The following GNG12 variants were observed in gnomAD, a reference collection of about 807,000 sequenced individuals.
The protein encoded by GNG12 is guanine nucleotide-binding protein G(I)/G(S)/G(O) subunit gamma-12.
For missense variants in GNG12, 69 were observed against 83.8 expected (o/e 0.82, Z 0.69); for synonymous variants, 28 against 29.7 (o/e 0.94, Z 0.19).
At chr1:67,753,861 C>T (rs1013719667) in intron 2 of GNG12, among the ~76,000 whole-genome samples, 1 of 152,102 alleles carries the variant, frequency 6.6e-6, no homozygotes, top group South Asian at 2.1e-4. Context: ...TTTGTGGTGT[C>T]GGTGAGAGAA....
chr1:67,815,664 T>G (rs902379653), intron 1 of GNG12, among the ~76,000 whole-genome samples: 1 of 152,112 alleles, frequency 6.6e-6, no homozygotes, highest in Non-Finnish European at 1.5e-5. Context: ...TTCTGTTCAT[T>G]TTTTTCTTAA....
chr1:67,823,932 A>C (rs1463049562), intron 1 of GNG12, among the ~76,000 whole-genome samples: 2 of 152,334 alleles, frequency 1.3e-5, no homozygotes, highest in Non-Finnish European at 2.9e-5. Context: ...ACCATGGTAC[A>C]TCCACATGAT....
At chr1:67,808,166 A>T (rs1048236719) in intron 1 of GNG12, among the ~76,000 whole-genome samples, 9 of 152,270 alleles carry the variant, frequency 5.9e-5, no homozygotes, top group Admixed American at 5.2e-4. Context: ...AAATCAATTA[A>T]TGGAATCCAT....
intron 2 of GNG12, among the ~76,000 whole-genome samples, chr1:67,718,204 C>A (rs1030280281): frequency 1.3e-5 from 2 of 152,114 alleles, no homozygotes; most frequent in African/African-American, 4.8e-5. Context: ...ACAGGTAAAA[C>A]CCAATGAAAC....
chr1:67,748,246 G>A (rs1268107695), intron 2 of GNG12, among the ~76,000 whole-genome samples: 4 of 152,180 alleles, frequency 2.6e-5, no homozygotes, highest in African/African-American at 9.7e-5. Context: ...TTCCTTTGAA[G>A]AGTGGAAGTT....
chr1:67,731,566 C>T (rs989257071), intron 2 of GNG12, among the ~76,000 whole-genome samples: 4 of 152,178 alleles, frequency 2.6e-5, no homozygotes, highest in African/African-American at 9.7e-5. Flanking sequence ...TTGTGAAAGC[C>T]ATGAGCATGT....
At chr1:67,726,716 G>A (rs187948142) in intron 2 of GNG12, among the ~76,000 whole-genome samples, 34 of 152,334 alleles carry the variant, frequency 2.2e-4, no homozygotes, top group African/African-American at 7.9e-4. Context: ...GAACTGTAAT[G>A]CACATCTCTA....
At chr1:67,821,176 T>C (rs567939745) in intron 1 of GNG12, among the ~76,000 whole-genome samples, 92 of 152,332 alleles carry the variant, frequency 6.0e-4, no homozygotes, top group African/African-American at 2.1e-3. Flanking sequence ...AACATGTGAA[T>C]ATATTACATT....
intron 1 of GNG12, among the ~76,000 whole-genome samples, chr1:67,827,463 T>C (rs998390132): frequency 1.3e-5 from 2 of 152,110 alleles, no homozygotes; most frequent in African/African-American, 2.4e-5. Context: ...TCTTGCTCTG[T>C]TGCCCAGGCT....
At chr1:67,778,182 A>G (rs1646717453) in intron 1 of GNG12, among the ~76,000 whole-genome samples, 1 of 151,496 alleles carries the variant, frequency 6.6e-6, no homozygotes, top group Admixed American at 6.6e-5. Context: ...TTAAAAAGCA[A>G]AAAAGAAATT....
At chr1:67,743,705 C>T (rs1433577707) in intron 2 of GNG12, among the ~76,000 whole-genome samples, 1 of 152,172 alleles carries the variant, frequency 6.6e-6, no homozygotes. Flanking sequence ...ACTCAAAGAG[C>T]AATTAATTTA....
intron 2 of GNG12, among the ~76,000 whole-genome samples, chr1:67,770,990 AGAGT>A (rs1477644837): frequency 5.3e-5 from 8 of 152,068 alleles, no homozygotes; most frequent in Admixed American, 3.3e-4. Context: ...GTGCTGAGAG[AGAGT>A]GAGTGAGAGA....
intron 1 of GNG12, among the ~76,000 whole-genome samples, chr1:67,786,713 G>A (rs1646769405): frequency 6.6e-6 from 1 of 152,088 alleles, no homozygotes. Context: ...CTTGAGGTCA[G>A]GGGTTCGAGA....
intron 2 of GNG12, among the ~76,000 whole-genome samples, chr1:67,717,455 G>T (rs377251575): frequency 6.6e-6 from 1 of 151,374 alleles, no homozygotes; most frequent in East Asian, 1.9e-4. Flanking sequence ...GGCAGAGGTT[G>T]CAGTGACCCA....
chr1:67,822,638 C>G (rs1363800086), intron 1 of GNG12, among the ~76,000 whole-genome samples: 1 of 152,088 alleles, frequency 6.6e-6, no homozygotes, highest in Non-Finnish European at 1.5e-5. Context: ...AAAATTTTTC[C>G]TTTGGGATTT....
intron 1 of GNG12, among the ~76,000 whole-genome samples, chr1:67,795,116 C>A (rs765664023): frequency 6.6e-6 from 1 of 152,202 alleles, no homozygotes; most frequent in South Asian, 2.1e-4. Context: ...AAAGGCCTTG[C>A]GCTTTTTACT....
chr1:67,763,151 C>T (rs906138900), intron 2 of GNG12, among the ~76,000 whole-genome samples: 25 of 130,130 alleles, frequency 1.9e-4, no homozygotes, highest in African/African-American at 6.7e-4. Context: ...CTAAATATTT[C>T]AGTGTATACT....
chr1:67,702,887 G>A lies in GNG12; in HGVS notation c.*2564C>T, dbSNP rs1339133763. The A allele has an allele frequency of 1.2e-4, 18 of 152,142 alleles. No individual in the cohort carries two copies. The highest frequency in any genetic ancestry group is 9.2e-4 in the Admixed American group (14 of 15,288). 9.4% of individuals were successfully genotyped at this position (152,142 alleles called of 1,614,324 possible). On this transcript the variant is annotated 3_prime_UTR_variant, in exon 4 of 4. Transcript: ENST00000370982. The stretch of plus-strand genomic sequence containing the variant: ...AAGCCAAGAAGTTGCATGTATATAC[G>A]TGAGAAAGATTATCATTACAGTGGT...
intron 2 of GNG12, among the ~76,000 whole-genome samples, chr1:67,717,282 G>GAGGC (rs1646331082): frequency 6.6e-6 from 1 of 152,098 alleles, no homozygotes; most frequent in Non-Finnish European, 1.5e-5. Flanking sequence ...TTGGGAGGCC[G>GAGGC]AGGCAGGCAG....
Sources: gnomAD v4.1 joint callset for allele counts (sites outside exome capture counted in the v4.1 genomes callset) on GRCh38, gnomAD v4.1.1 for gene constraint, MANE v1.5 for transcripts, NCBI Gene and HGNC (gene_info 2026-07-23, HGNC 2026-07-21) for gene names.